KCNIP1: variants seen among roughly 807,000 people sequenced by gnomAD.
KCNIP1 encodes A-type potassium channel modulatory protein KCNIP1.
A neutral mutation model predicts 33.0 loss-of-function variants in KCNIP1; 18 were observed. The observed-to-expected ratio is 0.55, with a 90% CI of 0.38 to 0.81. The LOEUF (loss-of-function observed/expected upper bound fraction) is 0.81. Ranked by LOEUF, KCNIP1 falls within the 30% of genes least tolerant of loss-of-function variation. The probability of loss-of-function intolerance (pLI) is 0.00; values close to 1 mark genes in which losing one functional copy is unlikely to be tolerated. For synonymous variants in KCNIP1, 93 were observed against 98.3 expected, an observed-to-expected ratio of 0.95 and a Z score of 0.32; for missense variants, 238 against 271.6, an observed-to-expected ratio of 0.88 and a Z score of 0.87.
intron 1 of KCNIP1, among the ~76,000 whole-genome samples, chr5:170,484,405 C>A (rs944683984): frequency 2.0e-5 from 3 of 152,126 alleles, no homozygotes; most frequent in African/African-American, 7.2e-5. Flanking sequence ...CAGGTGCAGG[C>A]CCTCCAGGAG....
intron 7 of KCNIP1, among the ~76,000 whole-genome samples, chr5:170,735,213 T>C (rs1201413048): frequency 6.6e-6 from 1 of 152,252 alleles, no homozygotes; most frequent in Non-Finnish European, 1.5e-5. Context: ...CTATTGCATG[T>C]TCTGTATTTT....
At chr5:170,605,216 C>T (rs924015667) in intron 1 of KCNIP1, among the ~76,000 whole-genome samples, 1 of 152,162 alleles carries the variant, frequency 6.6e-6, no homozygotes, top group South Asian at 2.1e-4. Context: ...TGTGCCCCGA[C>T]CTCCCATGGG....
At chr5:170,603,333 G>A (rs1215593420) in intron 1 of KCNIP1, among the ~76,000 whole-genome samples, 1 of 152,200 alleles carries the variant, frequency 6.6e-6, no homozygotes. Context: ...GGGAGGAGGG[G>A]CTGAAGGAAA....
intron 1 of KCNIP1, among the ~76,000 whole-genome samples, chr5:170,451,776 G>A (rs1554093587): frequency 1.1e-5 from 1 of 88,726 alleles, no homozygotes; most frequent in South Asian, 3.4e-4. Flanking sequence ...TGTGTTTGCA[G>A]GGGGAAGATG....
chr5:170,570,646 T>A (rs1181285453), intron 1 of KCNIP1, among the ~76,000 whole-genome samples: 1 of 152,214 alleles, frequency 6.6e-6, no homozygotes, highest in Non-Finnish European at 1.5e-5. Context: ...AGGAATCGAT[T>A]CAGAAGTGGT....
intron 1 of KCNIP1, among the ~76,000 whole-genome samples, chr5:170,710,243 T>C (rs1418659459): frequency 2.0e-5 from 3 of 152,242 alleles, no homozygotes; most frequent in Admixed American, 2.0e-4. Flanking sequence ...TCACTTATTA[T>C]CTCTTAATCT....
intron 1 of KCNIP1, among the ~76,000 whole-genome samples, chr5:170,540,680 C>T (rs919877318): frequency 1.3e-5 from 2 of 152,168 alleles, no homozygotes; most frequent in African/African-American, 4.8e-5. Context: ...TCAGAAACTC[C>T]AGTGGGCTTA....
At chr5:170,579,280 G>C (rs1447088396) in intron 1 of KCNIP1, among the ~76,000 whole-genome samples, 2 of 152,280 alleles carry the variant, frequency 1.3e-5, no homozygotes, top group African/African-American at 4.8e-5. Context: ...AACACCTGTT[G>C]AGCTGGTTTA....
At chr5:170,612,797 A>G (rs1442512924) in intron 1 of KCNIP1, among the ~76,000 whole-genome samples, 1 of 152,248 alleles carries the variant, frequency 6.6e-6, no homozygotes, top group East Asian at 1.9e-4. Flanking sequence ...CTTTCAGATA[A>G]TGGCCGTGTG....
intron 1 of KCNIP1, among the ~76,000 whole-genome samples, chr5:170,368,581 T>C (rs1763762071): frequency 1.3e-5 from 2 of 152,230 alleles, no homozygotes; most frequent in South Asian, 4.1e-4. Context: ...TTCTTGATGC[T>C]TCTCTGCATT....
At chr5:170,442,706 T>G (rs1756022102) in intron 1 of KCNIP1, among the ~76,000 whole-genome samples, 1 of 152,156 alleles carries the variant, frequency 6.6e-6, no homozygotes. Context: ...CCTTCTAGAG[T>G]GCAGATCTTT....
intron 1 of KCNIP1, among the ~76,000 whole-genome samples, chr5:170,547,815 AG>A (rs1756472926): frequency 6.6e-6 from 1 of 152,228 alleles, no homozygotes; most frequent in Admixed American, 6.5e-5. Flanking sequence ...TATTGTGAAT[AG>A]TGCTACAATG....
At chr5:170,398,833 C>T (rs529492614) in intron 1 of KCNIP1, among the ~76,000 whole-genome samples, 1 of 152,294 alleles carries the variant, frequency 6.6e-6, no homozygotes, top group Non-Finnish European at 1.5e-5. Flanking sequence ...ACTTTCTTTG[C>T]TGAGCCATAG....
intron 1 of KCNIP1, among the ~76,000 whole-genome samples, chr5:170,514,983 T>G (rs1000158390): frequency 4.6e-5 from 7 of 152,224 alleles, no homozygotes; most frequent in African/African-American, 1.7e-4. Flanking sequence ...ATTATTCCCA[T>G]GTAACAGATG....
At chr5:170,546,966 A>G (rs1485082184) in intron 1 of KCNIP1, among the ~76,000 whole-genome samples, 2 of 152,048 alleles carry the variant, frequency 1.3e-5, no homozygotes, top group Non-Finnish European at 2.9e-5. Context: ...GACCTGTTTT[A>G]TTTATTCAAA....
rs750135225 is a variant in KCNIP1, at chr5:170,378,949, C to T, written c.88+24985C>T. The T allele has an allele frequency of 2.5e-6, 4 of 1,613,992 alleles. No individual in the cohort carries two copies. The African/African-American group carries it at 4.0e-5, about 16-fold the overall frequency. On this transcript the variant is annotated intron_variant, in intron 1 of 7. Coordinates refer to the KCNIP1 transcript ENST00000377360. The stretch of plus-strand genomic sequence containing the variant: ...TCGGCCCGGGCCGTCTGGTAATTGT[C>T]CACGCTGCCTGGGATGTAGGAGCAC...
At chr5:170,722,984 C>G (rs1396960025) in intron 5 of KCNIP1, among the ~76,000 whole-genome samples, 164 bp downstream of exon 5, 1 of 152,276 alleles carries the variant, frequency 6.6e-6, no homozygotes, top group East Asian at 1.9e-4. Context: ...TCCCTCATTG[C>G]CCTACCCTGC....
intron 1 of KCNIP1, among the ~76,000 whole-genome samples, chr5:170,475,332 C>T (rs997167744): frequency 6.6e-6 from 1 of 152,234 alleles, no homozygotes; most frequent in African/African-American, 2.4e-5. Context: ...TTCAGCCTCA[C>T]ATTGACCAGC....
chr5:170,367,349 A>AGGAAAGAAGGAAGGAAGG lies in KCNIP1; in HGVS notation c.88+13385_88+13386insGGAAAGAAGGAAGGAAGG, dbSNP rs372538602. Among the ~76,000 whole-genome samples the AGGAAAGAAGGAAGGAAGG allele has an allele frequency of 4.0e-4, 31 of 76,890 alleles. 1 individual carries two copies. Among genetic ancestry groups the AGGAAAGAAGGAAGGAAGG allele is most frequent in the Admixed American group, 7.9e-4 (5 of 6,358 alleles). 50.4% of individuals were successfully genotyped at this position (76,890 alleles called of 152,430 possible). A position where few individuals can be genotyped will look rare whatever the true frequency, so the allele number is the denominator to read the frequency against. Reference sequence around the variant, plus strand: ...GAAGAAAGAAGGAAAGAAGGAAAGAAAAAGAAAGAAAGAAAGAAAGAAAGA... The same window carrying AGGAAAGAAGGAAGGAAGG: ...GAAGAAAGAAGGAAAGAAGGAAAGAAGGAAAGAAGGAAGGAAGGAAAGAAAGAAAGAAAGAAAGAAAGA... On this transcript the variant is annotated intron_variant, in intron 1 of 7. Transcript: ENST00000377360.
Sources: gnomAD v4.1 joint callset for allele counts (sites outside exome capture counted in the v4.1 genomes callset) on GRCh38, gnomAD v4.1.1 for gene constraint, MANE v1.5 for transcripts, NCBI Gene and HGNC (gene_info 2026-07-23, HGNC 2026-07-21) for gene names.